TMEM182: variants seen among roughly 807,000 people sequenced by gnomAD.
TMEM182 encodes the protein transmembrane protein 182.
Under a neutral mutation model 26.8 loss-of-function variants are expected in TMEM182, and 20 were observed. That is an observed-to-expected ratio of 0.75 (90% confidence interval 0.53 to 1.09). TMEM182 has a LOEUF of 1.09. Among genes scored for constraint, TMEM182 ranks in the 50% least tolerant of loss-of-function variants. The pLI, the probability that TMEM182 is intolerant of heterozygous loss-of-function variation, is 0.00. For missense variants in TMEM182, 277 were observed against 275.5 expected (o/e 1.01, Z -0.04); for synonymous variants, 109 against 102.2 (o/e 1.07, Z -0.40).
intron 3 of TMEM182, among the ~76,000 whole-genome samples, chr2:102,831,468 A>G (rs1051656611): frequency 6.6e-6 from 1 of 152,202 alleles, no homozygotes; most frequent in Admixed American, 6.5e-5. Context: ...AAAGAAGAAG[A>G]GTGGTGGGCC....
intron 4 of TMEM182, among the ~76,000 whole-genome samples, chr2:102,802,577 G>T (rs1424274824): frequency 6.6e-6 from 1 of 152,202 alleles, no homozygotes; most frequent in Non-Finnish European, 1.5e-5. Context: ...ATACACAGGG[G>T]TTGTCACGCA....
intron 3 of TMEM182, among the ~76,000 whole-genome samples, chr2:102,794,650 A>G (rs978714664): frequency 1.6e-4 from 24 of 152,332 alleles, no homozygotes; most frequent in African/African-American, 5.1e-4. Context: ...ATTCTTGATG[A>G]GAAAGTTAGA....
upstream of TMEM182, among the ~76,000 whole-genome samples, chr2:102,759,513 C>T (rs1680145540): frequency 6.6e-6 from 1 of 152,286 alleles, no homozygotes. Flanking sequence ...TGCCTGGACC[C>T]TCAAAAGTCC....
intron 3 of TMEM182, among the ~76,000 whole-genome samples, chr2:102,789,631 A>G (rs1248952280): frequency 6.6e-6 from 1 of 152,146 alleles, no homozygotes; most frequent in African/African-American, 2.4e-5. Flanking sequence ...TACAATAGCT[A>G]CCTTAATTAG....
intron 1 of TMEM182, among the ~76,000 whole-genome samples, chr2:102,738,888 A>G (rs1174439637): frequency 6.6e-6 from 1 of 152,180 alleles, no homozygotes; most frequent in African/African-American, 2.4e-5. Context: ...ATGTGGATAA[A>G]GGACTCCAAA....
At chr2:102,748,008 C>T (rs541664478) in intron 1 of TMEM182, among the ~76,000 whole-genome samples, 3 of 152,270 alleles carry the variant, frequency 2.0e-5, no homozygotes, top group Non-Finnish European at 4.4e-5. Flanking sequence ...GGCAACTCCC[C>T]CAGGTAGCTT....
intron 4 of TMEM182, among the ~76,000 whole-genome samples, chr2:102,813,693 A>T (rs1682635375): frequency 6.6e-6 from 1 of 152,142 alleles, no homozygotes; most frequent in African/African-American, 2.4e-5. Flanking sequence ...GTTACATGGG[A>T]AAGGACATGC....
At chr2:102,761,447 G>A (rs1297790200), upstream of TMEM182, among the ~76,000 whole-genome samples, 1 of 152,172 alleles carries the variant, frequency 6.6e-6, no homozygotes, top group African/African-American at 2.4e-5. Flanking sequence ...GCTGCAGAAA[G>A]TGTTGTTTTT....
intron 4 of TMEM182, among the ~76,000 whole-genome samples, chr2:102,806,115 G>T (rs1039734708): frequency 6.6e-6 from 1 of 151,980 alleles, no homozygotes; most frequent in Non-Finnish European, 1.5e-5. Flanking sequence ...TAGTCACTTT[G>T]CTCAGAACTA....
rs1196090296 is a variant in TMEM182, at chr2:102,786,235, G to A, written c.332-11628G>A. Among the ~76,000 whole-genome samples the A allele has an allele frequency of 4.4e-3, 160 of 36,298 alleles. 1 individual carries two copies. Among genetic ancestry groups the A allele is most frequent in the African/African-American group, 0.018 (156 of 8,724 alleles). The allele number at this position is 36,298 out of a possible 152,430, so 23.8% of individuals were successfully genotyped here. ...GTTTTTTTTTTTTTTTTTTTTTTGTGACAGAGTCTTACTCTGTCGCCCAGG... is the reference window on the plus strand; with the variant it reads ...GTTTTTTTTTTTTTTTTTTTTTTGTAACAGAGTCTTACTCTGTCGCCCAGG... On this transcript the variant is annotated intron_variant, in intron 3 of 4. Transcript: ENST00000412401.
At chr2:102,797,300 A>G (rs892939154) in intron 3 of TMEM182, among the ~76,000 whole-genome samples, 57 of 152,116 alleles carry the variant, frequency 3.7e-4, no homozygotes, top group Admixed American at 3.3e-3. Context: ...GTCATTTTTT[A>G]TTGCCTTAGA....
downstream of TMEM182, among the ~76,000 whole-genome samples, chr2:102,819,657 A>G (rs1237323400): frequency 1.3e-5 from 2 of 152,214 alleles, no homozygotes; most frequent in South Asian, 4.1e-4. Context: ...TATACACATA[A>G]TGTATGTGTA....
intron 3 of TMEM182, among the ~76,000 whole-genome samples, chr2:102,788,598 A>T (rs1681500034): frequency 6.6e-6 from 1 of 152,004 alleles, no homozygotes; most frequent in African/African-American, 2.4e-5. Context: ...GGTACCCAGG[A>T]AGCCTCCCTC....
intron 4 of TMEM182, among the ~76,000 whole-genome samples, chr2:102,814,004 A>T (rs1682651630): frequency 6.6e-6 from 1 of 151,386 alleles, no homozygotes; most frequent in African/African-American, 2.4e-5. Flanking sequence ...ATTTTATATT[A>T]CACAAAATCT....
In TMEM182 at chr2:102,815,211, G is replaced by A. The variant is rs557759627; in HGVS notation, c.*243G>A. The A allele has an allele frequency of 4.3e-5, 56 of 1,304,718 alleles. 1 individual carries two copies. In the South Asian group the frequency reaches 9.4e-4, roughly 22 times the overall value. The allele number at this position is 1,304,718 out of a possible 1,614,324, so 80.8% of individuals were successfully genotyped here. ...AGTTCTTTAGGGAATAGGTAAACAG[G>A]TCTCCCTTTCATTGAACATGTTAGA... On this transcript the variant is annotated 3_prime_UTR_variant, in exon 5 of 5. Transcript: ENST00000412401.
chr2:102,745,648 C>T (rs961842065), intron 1 of TMEM182, among the ~76,000 whole-genome samples: 2 of 152,040 alleles, frequency 1.3e-5, no homozygotes, highest in African/African-American at 4.8e-5. Flanking sequence ...ACCTCCAGTC[C>T]CTCTCAGCCC....
intron 3 of TMEM182, among the ~76,000 whole-genome samples, chr2:102,770,608 G>A (rs995893866): frequency 6.6e-6 from 1 of 152,108 alleles, no homozygotes; most frequent in African/African-American, 2.4e-5. Flanking sequence ...CTTCTCACAG[G>A]AAGAGAGGTT....
At chr2:102,790,468 T>C (rs1681588591) in intron 3 of TMEM182, among the ~76,000 whole-genome samples, 1 of 152,234 alleles carries the variant, frequency 6.6e-6, no homozygotes, top group African/African-American at 2.4e-5. Context: ...ACTTTTTCCA[T>C]TGAATTCAGA....
At chr2:102,829,346 G>A (rs188837880) in intron 3 of TMEM182, among the ~76,000 whole-genome samples, 69 of 152,270 alleles carry the variant, frequency 4.5e-4, no homozygotes, top group Middle Eastern at 3.4e-3. Flanking sequence ...CCTGACTGGA[G>A]GACAGCCAAT....
Sources: gnomAD v4.1 joint callset for allele counts (sites outside exome capture counted in the v4.1 genomes callset) on GRCh38, gnomAD v4.1.1 for gene constraint, MANE v1.5 for transcripts, NCBI Gene and HGNC (gene_info 2026-07-23, HGNC 2026-07-21) for gene names.